The following FGD3 variants were observed in gnomAD, a reference collection of about 807,000 sequenced individuals.
FGD3 encodes the protein FYVE, RhoGEF and PH domain-containing protein 3.
A neutral mutation model predicts 71.8 loss-of-function variants in FGD3; 45 were observed. The observed-to-expected ratio is 0.63, with a 90% CI of 0.49 to 0.80. The LOEUF (loss-of-function observed/expected upper bound fraction) is 0.80, where lower values mean the gene tolerates loss of function less well. Among genes scored for constraint, FGD3 ranks in the 30% least tolerant of loss-of-function variants. The pLI, the probability that FGD3 is intolerant of heterozygous loss-of-function variation, is 0.00. For synonymous variants in FGD3, 378 were observed against 392.8 expected, an observed-to-expected ratio of 0.96 and a Z score of 0.44; for missense variants, 844 against 951.5, an observed-to-expected ratio of 0.89 and a Z score of 1.49.
rs2118545373 is a variant in FGD3, at chr9:92,969,561, G to A, written c.-217-5677G>A. Among the ~76,000 whole-genome samples the A allele has an allele frequency of 6.6e-6, 1 of 152,304 alleles. No homozygotes were observed. The highest frequency in any genetic ancestry group is 6.5e-5 in the Admixed American group (1 of 15,298). The stretch of plus-strand genomic sequence containing the variant: ...ATGCCATTGTTATGGAGCCTCCTGT[G>A]TGCCGGGGGCCACTGGGCCACTCCA... On this transcript the variant is annotated intron_variant, in intron 1 of 17. Transcript: ENST00000375482. This position sits in a 1 kb window ranked among gnomAD's most constrained non-coding sequence, Gnocchi z 4.5.
intron 3 of FGD3, among the ~76,000 whole-genome samples, chr9:92,985,471 G>C (rs1349155257): frequency 6.6e-6 from 1 of 152,108 alleles, no homozygotes; most frequent in Non-Finnish European, 1.5e-5. Context: ...TTCTATTTTT[G>C]TTTGTTTGTT....
At chr9:93,028,809 TC>T in intron 14 of FGD3, among the ~76,000 whole-genome samples, 1 of 151,508 alleles carries the variant, frequency 6.6e-6, no homozygotes, top group Middle Eastern at 3.4e-3. Flanking sequence ...GAGACTGGGG[TC>T]TCTCCACCTG....
intron 1 of FGD3, among the ~76,000 whole-genome samples, chr9:92,953,649 A>T (rs185568649): frequency 2.6e-5 from 4 of 152,308 alleles, no homozygotes; most frequent in Admixed American, 2.6e-4. Context: ...CGGGCCTCAC[A>T]GTTCCAGATC....
At chr9:92,983,115 T>C (rs1860058006) in intron 3 of FGD3, among the ~76,000 whole-genome samples, 1 of 151,878 alleles carries the variant, frequency 6.6e-6, no homozygotes, top group South Asian at 2.1e-4. Context: ...TTAAAAAGGA[T>C]TAAAACAAGT....
At position 93,035,551 on chromosome 9, in the gene FGD3, C is replaced by G; in HGVS notation, c.2140C>G (p.Leu714Val). The stretch of plus-strand genomic sequence containing the variant: ...CACGGCCCAGGACAGCCCGGGGGCC[C>G]TGCAGCTTCAGGTCCCTATGGGCGC... ...GDTAQDSPGA[L>V]QLQVPMGAAA... Residue 714 changes from leucine to valine, a missense_variant, in exon 18 of 18, where the codon CTG (leucine) becomes GTG (valine). Leu to Val is a conservative substitution (Grantham distance 32). Transcript: ENST00000375482. The G allele has an allele frequency of 8.7e-6, 14 of 1,603,580 alleles. No homozygotes were observed. The highest frequency in any genetic ancestry group is 1.2e-5 in the Non-Finnish European group (14 of 1,177,052).
chr9:93,022,446 C>T (rs1861959341), intron 14 of FGD3, 57 bp downstream of exon 14: 1 of 1,571,670 alleles, frequency 6.4e-7, no homozygotes, highest in Non-Finnish European at 8.7e-7. Context: ...GGGGGTCAGA[C>T]CAGGATGACC....
chr9:93,032,843 G>A lies in FGD3; in HGVS notation c.1755G>A (p.Leu585=). ...GCCGTGTCTGCAGAGATTGTTTCCT[G>A]ACACAGCCAGTGGCCCCTGAGAGCA... The part of the protein sequence containing the change: ...RQSRVCRDCF[L]TQPVAPESTE... The change falls in exon 16 of 18, where the codon CTG becomes CTA. Residue 585 remains leucine (L), a synonymous_variant. Coordinates refer to ENST00000375482, the MANE Select transcript of FGD3 (RefSeq NM_001083536.2). 6 of 1,614,174 alleles carry A rather than the reference G, an allele frequency of 3.7e-6. No homozygotes were observed. The highest frequency in any genetic ancestry group is 2.5e-6 in the Non-Finnish European group (3 of 1,180,024).
At chr9:92,989,082 G>T (rs1220484439) in intron 3 of FGD3, among the ~76,000 whole-genome samples, 2 of 152,096 alleles carry the variant, frequency 1.3e-5, no homozygotes, top group Non-Finnish European at 2.9e-5. Context: ...ATGGAGTCTT[G>T]CTCTGTCACC....
chr9:93,012,706 G>C (rs1861478197), intron 8 of FGD3, among the ~76,000 whole-genome samples: 1 of 148,380 alleles, frequency 6.7e-6, no homozygotes, highest in Non-Finnish European at 1.5e-5. Flanking sequence ...GGGGGGGGAA[G>C]AATCAATCTA....
At chr9:93,004,475 C>G (rs1860977033) in intron 5 of FGD3, among the ~76,000 whole-genome samples, 1 of 152,340 alleles carries the variant, frequency 6.6e-6, no homozygotes, top group African/African-American at 2.4e-5. Context: ...TCCCTCCTAG[C>G]TTATACTCCA....
At chr9:93,016,281 C>T (rs78406170) in intron 10 of FGD3, among the ~76,000 whole-genome samples, 3,775 of 151,556 alleles carry the variant, frequency 0.025, 176 homozygotes, top group African/African-American at 0.086. Flanking sequence ...CCTCCTGCAC[C>T]GGAGCCGGGG....
At chr9:92,967,851 G>A (rs1859387303) in intron 1 of FGD3, among the ~76,000 whole-genome samples, 1 of 152,202 alleles carries the variant, frequency 6.6e-6, no homozygotes, top group Admixed American at 6.5e-5. Context: ...GGGATTACAG[G>A]CATGAGCCAC....
chr9:93,017,221 T>C (rs576736826), intron 10 of FGD3, among the ~76,000 whole-genome samples: 10 of 152,262 alleles, frequency 6.6e-5, no homozygotes, highest in African/African-American at 2.2e-4. Flanking sequence ...TGAGCTATGA[T>C]TGTGCCACTC....
chr9:93,028,070 G>A (rs185423876), intron 14 of FGD3, among the ~76,000 whole-genome samples: 1 of 152,052 alleles, frequency 6.6e-6, no homozygotes, highest in African/African-American at 2.4e-5. Flanking sequence ...TTAAGCGTAT[G>A]TTGTTTAGCA....
chr9:93,009,622 G>T (rs1035095457), intron 6 of FGD3, among the ~76,000 whole-genome samples: 2 of 152,218 alleles, frequency 1.3e-5, no homozygotes. Context: ...TTCAGCACAC[G>T]TGTCTGGGGT....
intron 3 of FGD3, among the ~76,000 whole-genome samples, chr9:93,001,155 T>C (rs1398820946): frequency 6.6e-6 from 1 of 152,188 alleles, no homozygotes; most frequent in Non-Finnish European, 1.5e-5. Flanking sequence ...TTCTATCTCT[T>C]TGTTGATATT....
intron 14 of FGD3, among the ~76,000 whole-genome samples, chr9:93,025,682 C>T (rs1338400220): frequency 6.6e-6 from 1 of 152,238 alleles, no homozygotes; most frequent in African/African-American, 2.4e-5. Flanking sequence ...TGCAAGGGGC[C>T]TTGCAGAATT....
At chr9:93,015,508 TG>T in intron 9 of FGD3, 1 of 402,176 alleles carries the variant, frequency 2.5e-6, no homozygotes, top group Non-Finnish European at 4.4e-6. Flanking sequence ...CTCATGTTCA[TG>T]GTTTAAAAAT....
Position 93,035,720 on chromosome 9 carries a change from G to T in FGD3, c.*131G>T, listed in dbSNP as rs1862575815. ...CAACAGCCCAGAGCTCAGGACACTT[G>T]GCTTTGGGGGGAAGGAAACTGAGGC... On this transcript the variant is annotated 3_prime_UTR_variant, in exon 18 of 18. Coordinates refer to ENST00000375482, the MANE Select transcript of FGD3 (RefSeq NM_001083536.2). The T allele has an allele frequency of 3.1e-6, 4 of 1,306,892 alleles. No homozygotes were observed. In the Admixed American group the frequency reaches 9.2e-5, roughly 30 times the overall value. The allele number at this position is 1,306,892 out of a possible 1,614,324, so 81.0% of individuals were successfully genotyped here.
Sources: allele counts gnomAD v4.1 joint callset (sites outside exome capture counted in the v4.1 genomes callset), GRCh38; gene constraint gnomAD v4.1.1; non-coding constraint Gnocchi (gnomAD v3.1); transcripts MANE v1.5; gene names NCBI Gene and HGNC (gene_info 2026-07-23, HGNC 2026-07-21).